The following SETBP1 variants were observed in gnomAD, a reference collection of about 807,000 sequenced individuals.
SETBP1 encodes the protein SET binding protein 1.
A neutral mutation model predicts 101.0 loss-of-function variants in SETBP1; 9 were observed. That is an observed-to-expected ratio of 0.09 (90% CI 0.05 to 0.16). The LOEUF (loss-of-function observed/expected upper bound fraction) is 0.16, where lower values mean the gene tolerates loss of function less well. SETBP1 is among the 10% of genes least tolerant of loss of function. The probability of loss-of-function intolerance (pLI) is 1.00; values close to 1 mark genes in which losing one functional copy is unlikely to be tolerated. For synonymous variants in SETBP1, 818 were observed against 788.5 expected (o/e 1.04, Z -0.63); for missense variants, 1,858 against 2,033.8 (o/e 0.91, Z 1.66).
intron 3 of SETBP1, among the ~76,000 whole-genome samples, chr18:44,899,202 T>C (rs976098061): frequency 5.3e-5 from 8 of 152,242 alleles, no homozygotes; most frequent in African/African-American, 1.9e-4. Flanking sequence ...CAATGATGTG[T>C]TGAAAAGCCA....
At chr18:44,775,774 C>T (rs993942448) in intron 2 of SETBP1, among the ~76,000 whole-genome samples, 2 of 149,558 alleles carry the variant, frequency 1.3e-5, no homozygotes, top group East Asian at 2.0e-4. Context: ...TTTAGAATAA[C>T]GAGATTAAAG....
rs1333605310 is a variant in SETBP1, at chr18:45,054,756, A to G, written c.4172-8323A>G. On this transcript the variant is annotated intron_variant, in intron 5 of 5. Coordinates refer to ENST00000649279, the MANE Select transcript of SETBP1 (RefSeq NM_015559.3). ...TTACTCAGCTTAGATTATCTCTGGA[A>G]TGAGTCGCCACTGTCATTATCTGTC... Among the ~76,000 whole-genome samples the G allele has an allele frequency of 3.3e-5, 5 of 152,178 alleles. No homozygotes were observed. The South Asian group carries it at 8.3e-4, about 25-fold the overall frequency.
chr18:44,776,912 C>T (rs539432366), intron 2 of SETBP1, among the ~76,000 whole-genome samples: 1 of 152,322 alleles, frequency 6.6e-6, no homozygotes, highest in African/African-American at 2.4e-5. Flanking sequence ...TCAGTTTCCA[C>T]ACTGGGAGAA....
chr18:44,910,986 T>G (rs1019179687), intron 3 of SETBP1, among the ~76,000 whole-genome samples: 1 of 152,210 alleles, frequency 6.6e-6, no homozygotes, highest in African/African-American at 2.4e-5. Flanking sequence ...AGGACTTTGA[T>G]TTTCATACCC....
chr18:44,999,855 C>T lies in SETBP1; in HGVS notation c.4001-38630C>T, dbSNP rs150836370. On this transcript the variant is annotated intron_variant, in intron 4 of 5. Transcript: ENST00000649279. Reference sequence around the variant, plus strand: ...AAACTAATAAGATAATAGTTATGCCCTGCCACCAGTAGTTTACAGTCTAAG... The same window carrying T: ...AAACTAATAAGATAATAGTTATGCCTTGCCACCAGTAGTTTACAGTCTAAG... 1.2e-3 allele frequency among the ~76,000 whole-genome samples: 178 copies of T among 152,308 alleles called. 1 individual carries two copies. The highest frequency in any genetic ancestry group is 4.2e-3 in the African/African-American group (174 of 41,562).
At chr18:45,036,099 C>T (rs183823691) in intron 4 of SETBP1, among the ~76,000 whole-genome samples, 38 of 152,116 alleles carry the variant, frequency 2.5e-4, no homozygotes, top group Admixed American at 3.9e-4. Flanking sequence ...TTTTGGAGGC[C>T]GAGGTGGGCA....
chr18:44,808,128 C>A (rs1035220616), intron 2 of SETBP1, among the ~76,000 whole-genome samples: 3 of 152,176 alleles, frequency 2.0e-5, no homozygotes, highest in African/African-American at 7.2e-5. Flanking sequence ...TGCTTTAAGC[C>A]AAGAGGCAGT....
At chr18:44,943,427 C>G (rs1265320568) in intron 3 of SETBP1, among the ~76,000 whole-genome samples, 2 of 152,234 alleles carry the variant, frequency 1.3e-5, no homozygotes, top group African/African-American at 4.8e-5. Flanking sequence ...TGGAACATCT[C>G]TTGATAATAT....
At chr18:45,045,816 AGT>A (rs2073600727) in intron 5 of SETBP1, among the ~76,000 whole-genome samples, 1 of 152,118 alleles carries the variant, frequency 6.6e-6, no homozygotes, top group Non-Finnish European at 1.5e-5. Context: ...CCTGACACAT[AGT>A]AAGAGTTTGA....
At chr18:45,035,269 G>T (rs897889904) in intron 4 of SETBP1, among the ~76,000 whole-genome samples, 1 of 152,186 alleles carries the variant, frequency 6.6e-6, no homozygotes, top group African/African-American at 2.4e-5. Flanking sequence ...AAATGGCTGA[G>T]AAAAATGTCT....
intron 2 of SETBP1, among the ~76,000 whole-genome samples, chr18:44,753,961 C>G (rs79545041): frequency 0.01 from 1,531 of 152,286 alleles, 22 homozygotes; most frequent in African/African-American, 0.034. Context: ...ATCTGGCTAC[C>G]TACCATTTGT....
intron 3 of SETBP1, among the ~76,000 whole-genome samples, chr18:44,879,688 T>C (rs1322874663): frequency 1.3e-5 from 2 of 152,146 alleles, no homozygotes; most frequent in African/African-American, 4.8e-5. Flanking sequence ...CCATTTTAAA[T>C]GAGCAGTGAT....
chr18:44,747,466 G>A (rs886830959), intron 2 of SETBP1, among the ~76,000 whole-genome samples: 5 of 152,232 alleles, frequency 3.3e-5, no homozygotes, highest in African/African-American at 1.2e-4. Context: ...AAGGAGAGGT[G>A]CTGGCCCAGG....
chr18:44,989,462 A>C (rs2072308320), intron 4 of SETBP1, among the ~76,000 whole-genome samples: 1 of 152,170 alleles, frequency 6.6e-6, no homozygotes, highest in African/African-American at 2.4e-5. Context: ...GTTAAAAAAC[A>C]GATTTTTCAT....
At chr18:44,769,304 C>T (rs2070826033) in intron 2 of SETBP1, among the ~76,000 whole-genome samples, 1 of 152,188 alleles carries the variant, frequency 6.6e-6, no homozygotes, top group South Asian at 2.1e-4. Context: ...TGGACTTAGC[C>T]TGAAACAAGT....
At chr18:44,906,355 CTGTT>C (rs1221076768) in intron 3 of SETBP1, among the ~76,000 whole-genome samples, 1 of 152,184 alleles carries the variant, frequency 6.6e-6, no homozygotes, top group Non-Finnish European at 1.5e-5. Context: ...AGCACCTACT[CTGTT>C]TGTCCTTAGT....
intron 1 of SETBP1, among the ~76,000 whole-genome samples, chr18:44,686,168 A>G (rs1435555750): frequency 2.0e-5 from 3 of 152,244 alleles, no homozygotes; most frequent in Admixed American, 1.3e-4. Context: ...CAGAATCAGG[A>G]AAGTTCTTCA....
At chr18:44,735,001 A>C (rs1441119481) in intron 2 of SETBP1, among the ~76,000 whole-genome samples, 1 of 152,212 alleles carries the variant, frequency 6.6e-6, no homozygotes, top group African/African-American at 2.4e-5. Flanking sequence ...GAGTTTTGCT[A>C]TCCAGTAAGA....
At chr18:45,026,598 T>C (rs2073169053) in intron 4 of SETBP1, among the ~76,000 whole-genome samples, 1 of 152,234 alleles carries the variant, frequency 6.6e-6, no homozygotes, top group Non-Finnish European at 1.5e-5. Flanking sequence ...CGTGCATACT[T>C]GGTACATTGT....
Sources: gnomAD v4.1 joint callset for allele counts (sites outside exome capture counted in the v4.1 genomes callset) on GRCh38, gnomAD v4.1.1 for gene constraint, MANE v1.5 for transcripts, NCBI Gene and HGNC (gene_info 2026-07-23, HGNC 2026-07-21) for gene names.